The following RNF149 variants were observed in gnomAD, a reference collection of about 807,000 sequenced individuals.
RNF149 encodes the protein ring finger protein 149.
RNF149 carries 21 observed loss-of-function variants against 39.0 expected under a neutral mutation model. The observed-to-expected ratio is 0.54, with a 90% confidence interval of 0.38 to 0.77. The LOEUF is 0.77. Among genes scored for constraint, RNF149 ranks in the 30% least tolerant of loss-of-function variants. The pLI is 0.00. For missense variants in RNF149, 493 were observed against 534.9 expected (o/e 0.92, Z 0.77); for synonymous variants, 209 against 213.6 (o/e 0.98, Z 0.19).
At chr2:101,273,197 TC>T, downstream of RNF149, 1 of 1,145,516 alleles carries the variant, frequency 8.7e-7, no homozygotes, top group Non-Finnish European at 1.2e-6. Flanking sequence ...AGAACGCCAG[TC>T]CAGACACCGA....
At chr2:101,289,606 G>A (rs919392888) in intron 3 of RNF149, among the ~76,000 whole-genome samples, 7 of 151,568 alleles carry the variant, frequency 4.6e-5, no homozygotes, top group African/African-American at 1.7e-4. Flanking sequence ...TCAGGAGGCT[G>A]AGGCAGGAGA....
At chr2:101,297,011 C>A (rs907742211) in intron 1 of RNF149, among the ~76,000 whole-genome samples, 3 of 152,108 alleles carry the variant, frequency 2.0e-5, no homozygotes, top group Non-Finnish European at 4.4e-5. Flanking sequence ...GAGTTTGAGA[C>A]CAGCCTGGCC....
At chr2:101,292,428 T>C (rs1683048513) in intron 3 of RNF149, among the ~76,000 whole-genome samples, 1 of 152,202 alleles carries the variant, frequency 6.6e-6, no homozygotes, top group Admixed American at 6.5e-5. Flanking sequence ...AAAGATTTGA[T>C]TCAGTAAATT....
At chr2:101,273,267 A>G (rs781041555), downstream of RNF149, 88 of 545,720 alleles carry the variant, frequency 1.6e-4, 1 homozygote, top group South Asian at 1.3e-3. Context: ...AGTCACGGAC[A>G]CTGCCTCCTT....
intron 6 of RNF149, among the ~76,000 whole-genome samples, chr2:101,278,712 A>G (rs1211520857): frequency 6.6e-6 from 1 of 152,200 alleles, no homozygotes; most frequent in Non-Finnish European, 1.5e-5. Flanking sequence ...TCTTTCAAGA[A>G]TACTATACAC....
intron 5 of RNF149, among the ~76,000 whole-genome samples, chr2:101,283,207 C>T (rs898948248): frequency 3.9e-5 from 6 of 152,194 alleles, no homozygotes; most frequent in African/African-American, 1.4e-4. Context: ...TGTGCTCCTA[C>T]GGGCAGCACT....
At chr2:101,296,338 C>G (rs756897554) in intron 1 of RNF149, among the ~76,000 whole-genome samples, 11 of 151,824 alleles carry the variant, frequency 7.2e-5, no homozygotes, top group South Asian at 2.1e-4. Flanking sequence ...TATTTAGCTA[C>G]AAATTAATGC....
chr2:101,274,047 ATT>A (rs70943070), downstream of RNF149, among the ~76,000 whole-genome samples: 28,595 of 147,744 alleles, frequency 0.19, 2,963 homozygotes, highest in Non-Finnish European at 0.25. Context: ...CTGTCACAGT[ATT>A]TTTTTTTTTT....
chr2:101,293,120 T>C (rs1683084693), intron 3 of RNF149, among the ~76,000 whole-genome samples: 1 of 151,684 alleles, frequency 6.6e-6, no homozygotes, highest in Admixed American at 6.6e-5. Context: ...AAAGTCTCAT[T>C]AGTATTAATT....
At chr2:101,301,164 G>A (rs1010927971) in intron 1 of RNF149, among the ~76,000 whole-genome samples, 1 of 151,764 alleles carries the variant, frequency 6.6e-6, no homozygotes, top group Non-Finnish European at 1.5e-5. Context: ...ATGTCACCTT[G>A]CACAATCCCT....
intron 1 of RNF149, among the ~76,000 whole-genome samples, 200 bp from the exon 2 acceptor site, chr2:101,295,381 C>T (rs1683185578): frequency 6.6e-6 from 1 of 152,164 alleles, no homozygotes; most frequent in East Asian, 1.9e-4. Context: ...AAGAACTATT[C>T]CCCTGGCCGG....
chr2:101,307,512 TA>T (rs1459248460), intron 1 of RNF149, among the ~76,000 whole-genome samples: 2 of 152,168 alleles, frequency 1.3e-5, no homozygotes, highest in Admixed American at 6.5e-5. Flanking sequence ...ACAGTAATTT[TA>T]AAATTTTGAT....
chr2:101,305,500 TTTCCCTTTAATCAGTGCTTCAAAATG>T, intron 1 of RNF149, among the ~76,000 whole-genome samples: 1 of 152,324 alleles, frequency 6.6e-6, no homozygotes, highest in East Asian at 1.9e-4. Context: ...ACCAAACTAA[TTTCCCTTTAATCAGTGCTTCAAAATG>T]TTGGATAATT....
chr2:101,308,571 G>T lies in RNF149; in HGVS notation c.18C>A (p.Arg6=). 1.9e-6 allele frequency: 3 copies of T among 1,562,482 alleles called. No homozygotes were observed. The highest frequency in any genetic ancestry group is 2.6e-6 in the Non-Finnish European group (3 of 1,159,892). MAWRR[R]EASVGARGVL... ...CGCCGCGAGCCCCGACGCTGGCTTC[G>T]CGCCGCCGCCACGCCATGGCAGCAC... The change falls in exon 1 of 7, where the codon CGC becomes CGA. Residue 6 remains arginine, a synonymous_variant. Transcript: ENST00000295317.
At chr2:101,283,307 G>A (rs1325178722) in intron 5 of RNF149, among the ~76,000 whole-genome samples, 1 of 152,194 alleles carries the variant, frequency 6.6e-6, no homozygotes, top group Non-Finnish European at 1.5e-5. Context: ...AGCCCATGAG[G>A]GGAGGGGCTG....
chr2:101,275,922 C>T lies in RNF149; in HGVS notation c.*1316G>A. The T allele has an allele frequency of 2.0e-6, 2 of 985,196 alleles. No individual in the cohort carries two copies. The highest frequency in any genetic ancestry group is 3.5e-5 in the African/African-American group (2 of 57,340). 61.0% of individuals were successfully genotyped at this position (985,196 alleles called of 1,614,324 possible). Reference sequence around the variant, plus strand: ...GCAAAGCGAAATACATTTTCTACTTCAATAGCTCCTCATACTGCATCTGTC... The same window carrying T: ...GCAAAGCGAAATACATTTTCTACTTTAATAGCTCCTCATACTGCATCTGTC... On this transcript the variant is annotated 3_prime_UTR_variant, in exon 7 of 7. Coordinates refer to ENST00000295317, the MANE Select transcript of RNF149 (RefSeq NM_173647.4).
chr2:101,308,168 C>T lies in RNF149; in HGVS notation c.421G>A (p.Glu141Lys), dbSNP rs1292794850. 6.2e-7 allele frequency: 1 copy of T among 1,610,520 alleles called. No homozygotes were observed. The highest frequency in any genetic ancestry group is 1.1e-5 in the South Asian group (1 of 91,020). The change falls in exon 1 of 7, where the codon GAG (glutamate) becomes AAG (lysine). Residue 141 changes from glutamate to lysine, a missense_variant. Transcript: ENST00000295317. ...NASAVVLYNEERYGNITLPMS... is the reference protein window; with the variant it reads ...NASAVVLYNEKRYGNITLPMS... ...GGCAAGGTGATGTTCCCGTAGCGCT[C>T]CTCATTGTAGAGGACGACGGCCGAG...
intron 5 of RNF149, 133 bp downstream of exon 5, chr2:101,285,948 G>T: frequency 1.8e-6 from 1 of 552,598 alleles, no homozygotes; most frequent in African/African-American, 1.9e-5. Context: ...TAATAATGAG[G>T]AAAATTTCTT....
intron 3 of RNF149, among the ~76,000 whole-genome samples, chr2:101,292,336 C>G (rs926870399): frequency 3.9e-5 from 6 of 152,118 alleles, no homozygotes; most frequent in African/African-American, 1.4e-4. Flanking sequence ...ATTTTGACAA[C>G]TTTCAAGAAA....
Sources: gnomAD v4.1 joint callset for allele counts (sites outside exome capture counted in the v4.1 genomes callset) on GRCh38, gnomAD v4.1.1 for gene constraint, MANE v1.5 for transcripts, NCBI Gene and HGNC (gene_info 2026-07-23, HGNC 2026-07-21) for gene names.